The following GMPS variants were observed in gnomAD, a reference collection of about 807,000 sequenced individuals.
GMPS encodes guanosine monophosphate synthase, also known as GMP synthase [glutamine-hydrolyzing].
In GMPS, 15 loss-of-function variants were observed where a neutral mutation model predicts 77.9. The ratio of observed to expected loss-of-function variants is 0.19; its 90% CI spans 0.13 to 0.30. GMPS has a LOEUF of 0.30. GMPS is among the 10% of genes least tolerant of loss of function. GMPS has a pLI of 1.00. For synonymous variants in GMPS, 224 were observed against 275.9 expected (o/e 0.81, Z 1.86); for missense variants, 590 against 838.8 (o/e 0.70, Z 3.66).
chr3:155,894,933 A>G (rs1754564143), intron 2 of GMPS, among the ~76,000 whole-genome samples: 1 of 152,234 alleles, frequency 6.6e-6, no homozygotes, highest in Admixed American at 6.5e-5. Context: ...TTTACCAGCA[A>G]GAACTAGTTT....
rs376421077 is a variant in GMPS at position 155,928,849 on chromosome 3, T to C, written c.1561-2916T>C. On this transcript the variant is annotated intron_variant, in intron 12 of 15. Coordinates refer to ENST00000496455, the MANE Select transcript of GMPS (RefSeq NM_003875.3). The stretch of plus-strand genomic sequence containing the variant: ...ATGATTTCCAATTTCATCCATGTCC[T>C]TACAAAGGACATGAACTCATCATTT... 4.1e-4 allele frequency among the ~76,000 whole-genome samples: 63 copies of C among 151,826 alleles called. 4 individuals carry two copies. The highest frequency in any genetic ancestry group is 1.4e-3 in the African/African-American group (60 of 41,412).
chr3:155,943,861 CTTAAT>C lies in GMPS; in HGVS notation c.*6173_*6177del, dbSNP rs1268777464. On this transcript the variant is annotated 3_prime_UTR_variant, in exon 16 of 16. Transcript: ENST00000496455. Reference sequence around the variant, plus strand: ...AGTGTCAAGGGTTTCTATATAACAACTTAATTTATTTCCCTTGCATATATAGTAGG... The same window carrying C: ...AGTGTCAAGGGTTTCTATATAACAACTTATTTCCCTTGCATATATAGTAGG... The C allele has an allele frequency of 6.5e-6, 1 of 153,394 alleles. No homozygotes were observed. Among genetic ancestry groups the C allele is most frequent in the Non-Finnish European group, 1.5e-5 (1 of 68,816 alleles). 9.5% of individuals were successfully genotyped at this position (153,394 alleles called of 1,614,324 possible). A position where few individuals can be genotyped will look rare whatever the true frequency, so the allele number is the denominator to read the frequency against.
At chr3:155,921,156 G>A (rs1047142867) in intron 10 of GMPS, among the ~76,000 whole-genome samples, 2 of 152,152 alleles carry the variant, frequency 1.3e-5, no homozygotes, top group Non-Finnish European at 2.9e-5. Context: ...GGGAGGGTAA[G>A]GCAGGAGAAT....
At chr3:155,875,226 T>C (rs1352355326) in intron 1 of GMPS, among the ~76,000 whole-genome samples, 1 of 151,728 alleles carries the variant, frequency 6.6e-6, no homozygotes, top group African/African-American at 2.4e-5. Flanking sequence ...CCTTAAATCC[T>C]GTGTTTTGTT....
At chr3:155,896,079 T>C (rs1332440232) in intron 2 of GMPS, among the ~76,000 whole-genome samples, 1 of 151,708 alleles carries the variant, frequency 6.6e-6, no homozygotes, top group Non-Finnish European at 1.5e-5. Flanking sequence ...GTGTGATCTC[T>C]GCTCACTGCA....
chr3:155,929,117 T>C (rs62287765), intron 12 of GMPS, among the ~76,000 whole-genome samples: 6,210 of 148,484 alleles, frequency 0.042, 180 homozygotes, highest in East Asian at 0.14. Flanking sequence ...GCCACACTGA[T>C]TTCCACAATG....
At chr3:155,891,574 C>T (rs1192944377) in intron 1 of GMPS, among the ~76,000 whole-genome samples, 1 of 151,122 alleles carries the variant, frequency 6.6e-6, no homozygotes, top group South Asian at 2.1e-4. Flanking sequence ...CTCACAAATC[C>T]TCCTCTGTAG....
intron 4 of GMPS, 25 bp from the exon 5 acceptor site, chr3:155,906,135 T>G: frequency 1.6e-6 from 2 of 1,280,618 alleles, no homozygotes; most frequent in Non-Finnish European, 1.1e-6. Flanking sequence ...AAGATATTTG[T>G]GTGTTTTATT....
At chr3:155,934,477 C>T (rs549779761) in intron 13 of GMPS, among the ~76,000 whole-genome samples, 109 of 152,274 alleles carry the variant, frequency 7.2e-4, no homozygotes, top group Non-Finnish European at 1.1e-3. Context: ...ATCCAAATTT[C>T]CCAGCACTTG....
At chr3:155,915,935 C>A (rs921429131) in intron 8 of GMPS, 84 bp from the exon 9 acceptor site, 1 of 841,720 alleles carries the variant, frequency 1.2e-6, no homozygotes, top group East Asian at 2.6e-5. Context: ...CTAAAGGACT[C>A]TAAGAGATTT....
chr3:155,942,172 C>T lies in GMPS; in HGVS notation c.*4480C>T, dbSNP rs1383260955. 7 of 184,656 alleles carry T rather than the reference C, an allele frequency of 3.8e-5. No homozygotes were observed. The highest frequency in any genetic ancestry group is 2.0e-4 in the South Asian group (1 of 5,090). 11.4% of individuals were successfully genotyped at this position (184,656 alleles called of 1,614,324 possible). A position where few individuals can be genotyped will look rare whatever the true frequency, so the allele number is the denominator to read the frequency against. On this transcript the variant is annotated 3_prime_UTR_variant, in exon 16 of 16. Transcript: ENST00000496455. ...CACAATCTCGGCTCACTGCAAGCTC[C>T]GCTTCGTGGGTTCACGCCATTCTCC...
chr3:155,919,239 G>A lies in GMPS; in HGVS notation c.1219G>A (p.Val407Ile), dbSNP rs1755259389. 6.5e-7 allele frequency: 1 copy of A among 1,528,746 alleles called. No homozygotes were observed. Among genetic ancestry groups the A allele is most frequent in the Non-Finnish European group, 9.0e-7 (1 of 1,114,654 alleles). The allele number at this position is 1,528,746 out of a possible 1,614,324, so 94.7% of individuals were successfully genotyped here. A position where few individuals can be genotyped will look rare whatever the true frequency, so the allele number is the denominator to read the frequency against. ...GCTTCTTTCCTCCCTGTAGGGAAAAGTAATAGAACCTCTGAAAGATTTTCA... is the reference window on the plus strand; with the variant it reads ...GCTTCTTTCCTCCCTGTAGGGAAAAATAATAGAACCTCTGAAAGATTTTCA... ...LIRKLREEGK[V>I]IEPLKDFHKD... The change falls in exon 10 of 16, where the codon GTA becomes ATA. Residue 407 changes from valine to isoleucine, a missense_variant. Around this residue, in one of 6 missense-constraint regions of GMPS, gnomAD observed 64 missense variants for 114.5 expected, o/e 0.56. Coordinates refer to ENST00000496455, the MANE Select transcript of GMPS (RefSeq NM_003875.3).
At chr3:155,918,451 T>C (rs566669615) in intron 9 of GMPS, among the ~76,000 whole-genome samples, 4 of 152,090 alleles carry the variant, frequency 2.6e-5, no homozygotes, top group Non-Finnish European at 5.9e-5. Flanking sequence ...GACTCTGTCT[T>C]AAAAAAAAGT....
At chr3:155,933,608 G>C (rs1242381128) in intron 13 of GMPS, among the ~76,000 whole-genome samples, 1 of 152,224 alleles carries the variant, frequency 6.6e-6, no homozygotes, top group Non-Finnish European at 1.5e-5. Context: ...GATACCGGTG[G>C]TTTTGTGCTA....
intron 1 of GMPS, among the ~76,000 whole-genome samples, chr3:155,881,276 G>A (rs941039130): frequency 2.0e-5 from 3 of 146,982 alleles, no homozygotes; most frequent in South Asian, 4.3e-4. Flanking sequence ...GGGTTCAAGC[G>A]ATTCTCCTGC....
At chr3:155,895,997 TTTTTTG>T (rs1219952877) in intron 2 of GMPS, among the ~76,000 whole-genome samples, 7 of 151,864 alleles carry the variant, frequency 4.6e-5, no homozygotes, top group Admixed American at 6.6e-5. Context: ...AGCTTCTGTT[TTTTTTG>T]TTTTTGTTTT....
intron 5 of GMPS, among the ~76,000 whole-genome samples, chr3:155,909,369 A>T (rs2108100062): frequency 6.6e-6 from 1 of 152,324 alleles, no homozygotes; most frequent in Non-Finnish European, 1.5e-5. Flanking sequence ...TTAATATAAG[A>T]ACTTGGTAGC....
At position 155,938,888 on chromosome 3, in the gene GMPS, C is replaced by A. The variant is rs1298495071; in HGVS notation, c.*1196C>A. The A allele has an allele frequency of 4.6e-6, 1 of 215,240 alleles. No homozygotes were observed. The highest frequency in any genetic ancestry group is 1.9e-4 in the South Asian group (1 of 5,382). The allele number at this position is 215,240 out of a possible 1,614,324, so 13.3% of individuals were successfully genotyped here. On this transcript the variant is annotated 3_prime_UTR_variant, in exon 16 of 16. Transcript: ENST00000496455. ...GTAGACAGTAGTAGACTTAAACTCT[C>A]CGTTTCTCTCAGTATTTTAGCTAAG...
intron 1 of GMPS, among the ~76,000 whole-genome samples, chr3:155,884,306 A>G (rs1380775826): frequency 6.6e-6 from 1 of 151,538 alleles, no homozygotes; most frequent in Non-Finnish European, 1.5e-5. Context: ...CAATCACTTG[A>G]ACCTGGGAGG....
Sources: allele counts gnomAD v4.1 joint callset (sites outside exome capture counted in the v4.1 genomes callset), GRCh38; gene constraint gnomAD v4.1.1; regional missense constraint gnomAD v4.1.1; transcripts MANE v1.5; gene names NCBI Gene and HGNC (gene_info 2026-07-23, HGNC 2026-07-21).